Variants in CNTN4 observed in about 807,000 individuals in gnomAD.
CNTN4 encodes the protein contactin 4, also known as contactin-4.
Under a neutral mutation model 122.5 loss-of-function variants are expected in CNTN4, and 77 were observed. The observed-to-expected ratio is 0.63, with a 90% CI of 0.52 to 0.76. The LOEUF (loss-of-function observed/expected upper bound fraction) is 0.76, where lower values mean the gene tolerates loss of function less well. Ranked by LOEUF, CNTN4 falls within the 30% of genes least tolerant of loss-of-function variation. The pLI, the probability that CNTN4 is intolerant of heterozygous loss-of-function variation, is 0.00. For missense variants in CNTN4, 1,256 were observed against 1,259.1 expected, an observed-to-expected ratio of 1.00 and a Z score of 0.04; for synonymous variants, 512 against 447.0, an observed-to-expected ratio of 1.15 and a Z score of -1.83.
chr3:2,395,183 G>C (rs2046596832), intron 3 of CNTN4, among the ~76,000 whole-genome samples: 1 of 152,156 alleles, frequency 6.6e-6, no homozygotes, highest in African/African-American at 2.4e-5. Flanking sequence ...TCATACAGTA[G>C]AATATGATGC....
At position 2,826,523 on chromosome 3, in the gene CNTN4, G is replaced by A. The variant is rs115553731; in HGVS notation, c.454+6942G>A. On this transcript the variant is annotated intron_variant, in intron 7 of 24. Transcript: ENST00000418658. ...GTAGGACAGAGATAAAAGCGTGAAA[G>A]TAGGACATCTGTGTTCTAGTCCTAG... Among the ~76,000 whole-genome samples the A allele has an allele frequency of 2.2e-3, 331 of 152,322 alleles. 3 individuals are homozygous for A. Among genetic ancestry groups the A allele is most frequent in the African/African-American group, 7.6e-3 (315 of 41,574 alleles).
chr3:2,463,759 A>C (rs1320149111), intron 3 of CNTN4, among the ~76,000 whole-genome samples: 3 of 114,676 alleles, frequency 2.6e-5, no homozygotes, highest in Non-Finnish European at 6.8e-5. Context: ...ACTCCGTCTC[A>C]AAAAAAATAA....
chr3:2,109,123 G>T (rs1300214379), intron 2 of CNTN4, among the ~76,000 whole-genome samples: 1 of 152,120 alleles, frequency 6.6e-6, no homozygotes, highest in Non-Finnish European at 1.5e-5. Flanking sequence ...GAAACAGTTT[G>T]TTTTTTCTTG....
At position 2,866,840 on chromosome 3, in the gene CNTN4, T is replaced by C. The variant is rs771430690; in HGVS notation, c.543T>C (p.Ile181=). The change falls in exon 8 of 25, where the codon ATT becomes ATC. Residue 181 remains isoleucine (I), a synonymous_variant. Coordinates refer to ENST00000418658, the MANE Select transcript of CNTN4 (RefSeq NM_175607.3). The part of the protein sequence containing the change: ...FVSQETGNLY[I]AKVEKSDVGN... The stretch of plus-strand genomic sequence containing the variant: ...CTCAAGAGACTGGGAATCTGTATAT[T>C]GCCAAAGTAGAAAAATCAGATGTTG... 1.5e-5 allele frequency: 24 copies of C among 1,613,892 alleles called. No individual in the cohort carries two copies. In the Admixed American group the frequency reaches 4.0e-4, roughly 27 times the overall value.
intron 2 of CNTN4, among the ~76,000 whole-genome samples, chr3:2,255,415 C>T (rs1481823379): frequency 6.6e-6 from 1 of 152,182 alleles, no homozygotes; most frequent in Non-Finnish European, 1.5e-5. Flanking sequence ...GACTTGAACT[C>T]AGCTCTGAAC....
chr3:2,207,130 T>A lies in CNTN4; in HGVS notation c.-145+106491T>A, dbSNP rs527670507. Among the ~76,000 whole-genome samples, 11 of 152,036 alleles carry A rather than the reference T, an allele frequency of 7.2e-5. No individual in the cohort carries two copies. In the East Asian group the frequency reaches 1.7e-3, roughly 24 times the overall value. Reference sequence around the variant, plus strand: ...ACTCATAAAAGATGGTGAACTTAATTGATAAGTGTAGAGTGTGTTCTGACT... The same window carrying A: ...ACTCATAAAAGATGGTGAACTTAATAGATAAGTGTAGAGTGTGTTCTGACT... On this transcript the variant is annotated intron_variant, in intron 2 of 24. Coordinates refer to ENST00000418658, the MANE Select transcript of CNTN4 (RefSeq NM_175607.3).
At chr3:2,541,623 A>G (rs1372652429) in intron 3 of CNTN4, among the ~76,000 whole-genome samples, 1 of 152,124 alleles carries the variant, frequency 6.6e-6, no homozygotes, top group East Asian at 1.9e-4. Flanking sequence ...TATCTGACAT[A>G]ACCTCTCCAA....
intron 2 of CNTN4, among the ~76,000 whole-genome samples, chr3:2,328,694 T>C (rs1272211093): frequency 6.6e-6 from 1 of 151,556 alleles, no homozygotes; most frequent in East Asian, 1.9e-4. Flanking sequence ...ATAACAAAAA[T>C]GTTAAAATAC....
chr3:2,535,254 C>G (rs571358997), intron 3 of CNTN4, among the ~76,000 whole-genome samples: 1 of 152,050 alleles, frequency 6.6e-6, no homozygotes, highest in Non-Finnish European at 1.5e-5. Flanking sequence ...ATACTTGATC[C>G]TCCCCCTTTT....
chr3:2,125,665 C>G (rs1181521319), intron 2 of CNTN4, among the ~76,000 whole-genome samples: 1 of 150,350 alleles, frequency 6.7e-6, no homozygotes, highest in Non-Finnish European at 1.5e-5. Flanking sequence ...TTCACCCTTT[C>G]TACTGCCTCA....
At chr3:2,285,094 A>G (rs188779786) in intron 2 of CNTN4, among the ~76,000 whole-genome samples, 31 of 152,158 alleles carry the variant, frequency 2.0e-4, no homozygotes, top group Admixed American at 1.8e-3. Flanking sequence ...AGTCTGCATA[A>G]AAATTATTTT....
chr3:2,459,578 T>C (rs551209768), intron 3 of CNTN4, among the ~76,000 whole-genome samples: 203 of 152,236 alleles, frequency 1.3e-3, no homozygotes, highest in Non-Finnish European at 2.1e-3. Context: ...ATATGGCCAG[T>C]TAGACTTTTC....
intron 5 of CNTN4, among the ~76,000 whole-genome samples, chr3:2,742,347 T>C (rs2089503898): frequency 6.6e-6 from 1 of 152,216 alleles, no homozygotes. Flanking sequence ...CAACTTCCCT[T>C]ATATTAAACT....
chr3:2,802,962 T>C (rs1007250787), intron 6 of CNTN4, among the ~76,000 whole-genome samples: 4 of 152,206 alleles, frequency 2.6e-5, no homozygotes, highest in African/African-American at 9.6e-5. Context: ...AAAAGACTGA[T>C]GCATTCATAG....
rs75429641 is a variant in CNTN4, at chr3:2,284,771, G to T, written c.-144-54407G>T. On this transcript the variant is annotated intron_variant, in intron 2 of 24. Coordinates refer to ENST00000418658, the MANE Select transcript of CNTN4 (RefSeq NM_175607.3). Reference sequence around the variant, plus strand: ...CAGGAGAGAAAAAGTTAACTTATGAGGTGAGTAGACTAAGAGTCATTAAAA... The same window carrying T: ...CAGGAGAGAAAAAGTTAACTTATGATGTGAGTAGACTAAGAGTCATTAAAA... Among the ~76,000 whole-genome samples the T allele has an allele frequency of 8.1e-3, 1,226 of 151,564 alleles. 17 individuals are homozygous for T. Among genetic ancestry groups the T allele is most frequent in the African/African-American group, 0.028 (1,162 of 41,360 alleles).
chr3:2,287,746 A>G (rs1338727062), intron 2 of CNTN4, among the ~76,000 whole-genome samples: 4 of 129,046 alleles, frequency 3.1e-5, no homozygotes, highest in East Asian at 2.1e-4. Flanking sequence ...GAAGAAGAAG[A>G]AGAAGAAGAA....
intron 3 of CNTN4, among the ~76,000 whole-genome samples, chr3:2,441,075 G>C (rs947484119): frequency 5.3e-5 from 8 of 151,742 alleles, no homozygotes; most frequent in Admixed American, 1.3e-4. Flanking sequence ...GATTGGAATT[G>C]ATGCATTATG....
At chr3:2,793,885 G>A (rs897702757) in intron 6 of CNTN4, among the ~76,000 whole-genome samples, 2 of 152,118 alleles carry the variant, frequency 1.3e-5, no homozygotes, top group Non-Finnish European at 2.9e-5. Context: ...TCCTATGAAA[G>A]AATCTTTGAG....
chr3:2,204,215 G>A (rs1039473521), intron 2 of CNTN4, among the ~76,000 whole-genome samples: 1 of 151,968 alleles, frequency 6.6e-6, no homozygotes, highest in Non-Finnish European at 1.5e-5. Context: ...TTAATAAATA[G>A]GTTCAGTAAA....
Sources: gnomAD v4.1 joint callset for allele counts (sites outside exome capture counted in the v4.1 genomes callset) on GRCh38, gnomAD v4.1.1 for gene constraint, MANE v1.5 for transcripts, NCBI Gene and HGNC (gene_info 2026-07-23, HGNC 2026-07-21) for gene names.